TCF20: variants seen among roughly 807,000 people sequenced by gnomAD.
The protein encoded by TCF20 is transcription factor 20.
A neutral mutation model predicts 148.6 loss-of-function variants in TCF20; 3 were observed. The ratio of observed to expected loss-of-function variants is 0.02; its 90% CI spans 0.01 to 0.05. The LOEUF is 0.05. Among genes scored for constraint, TCF20 ranks in the 10% least tolerant of loss-of-function variants. The pLI is 1.00. For synonymous variants in TCF20, 1,049 were observed against 909.5 expected, an observed-to-expected ratio of 1.15 and a Z score of -2.76; for missense variants, 2,350 against 2,429.3, an observed-to-expected ratio of 0.97 and a Z score of 0.69.
chr22:42,294,479 GA>G (rs1418980130), intron 1 of TCF20, among the ~76,000 whole-genome samples: 1 of 152,168 alleles, frequency 6.6e-6, no homozygotes, highest in East Asian at 1.9e-4. Flanking sequence ...CAGAGGCAGG[GA>G]AGTCACTGGC....
chr22:42,289,667 TGAGA>T (rs1326849990), intron 1 of TCF20, among the ~76,000 whole-genome samples: 1 of 152,136 alleles, frequency 6.6e-6, no homozygotes, highest in Non-Finnish European at 1.5e-5. Flanking sequence ...GAGAAAGGCC[TGAGA>T]GAGGCGTCAG....
chr22:42,161,350 C>T lies in TCF20; in HGVS notation c.*53G>A, dbSNP rs201207849. On this transcript the variant is annotated 3_prime_UTR_variant, in exon 6 of 6. Coordinates refer to ENST00000677622, the MANE Select transcript of TCF20 (RefSeq NM_001378418.1). ...AGTGTCCACCACCTTCTCATCTCCA[C>T]AGTCTCACCTGGAAGACAAGGGACA... The T allele has an allele frequency of 6.2e-7, 1 of 1,614,100 alleles. No homozygotes were observed. Among genetic ancestry groups the T allele is most frequent in the African/African-American group, 1.3e-5 (1 of 75,048 alleles).
chr22:42,223,073 T>C (rs1054625707), intron 1 of TCF20, among the ~76,000 whole-genome samples: 9 of 152,148 alleles, frequency 5.9e-5, no homozygotes, highest in African/African-American at 2.2e-4. Flanking sequence ...CACTTGAGCC[T>C]GGGAGGCAGA....
At chr22:42,173,932 A>G (rs1016040702) in intron 3 of TCF20, among the ~76,000 whole-genome samples, 2 of 152,200 alleles carry the variant, frequency 1.3e-5, no homozygotes, top group East Asian at 3.8e-4. Context: ...TGTTAAATAG[A>G]GATGCTACCA....
At chr22:42,246,371 A>C (rs1924906341) in intron 1 of TCF20, among the ~76,000 whole-genome samples, 2 of 152,116 alleles carry the variant, frequency 1.3e-5, no homozygotes, top group Non-Finnish European at 2.9e-5. Context: ...CGGCCTCCCA[A>C]AGTGCTGGGA....
At chr22:42,245,289 G>A (rs1924811538) in intron 1 of TCF20, among the ~76,000 whole-genome samples, 1 of 151,892 alleles carries the variant, frequency 6.6e-6, no homozygotes, top group South Asian at 2.1e-4. Flanking sequence ...TCACTATGCT[G>A]CCCAGGCTGG....
Position 42,325,807 on chromosome 22 carries a change from G to C in TCF20, c.-37+17672C>G, listed in dbSNP as rs115693534. On this transcript the variant is annotated intron_variant, in intron 1 of 1. Coordinates refer to the TCF20 transcript ENST00000515426. ...ATTTCCGAGCCCCAATTCTGCAGCC[G>C]ACTTGCCTGGAGCCAGCGCGCCTCT... Among the ~76,000 whole-genome samples the C allele has an allele frequency of 4.6e-3, 702 of 152,280 alleles. 10 individuals carry two copies. The highest frequency in any genetic ancestry group is 0.016 in the African/African-American group (661 of 41,558).
In TCF20 at chr22:42,211,078, C is replaced by A; in HGVS notation, c.4228G>T (p.Gly1410Cys). 2 of 1,614,156 alleles carry A rather than the reference C, an allele frequency of 1.2e-6. No homozygotes were observed. The highest frequency in any genetic ancestry group is 1.7e-6 in the Non-Finnish European group (2 of 1,180,038). ...CTGACTAGGTCCGAAGCCACCTCACCTTTTCTCTTCTCTATGTCAGCATCC... is the reference window on the plus strand; with the variant it reads ...CTGACTAGGTCCGAAGCCACCTCACATTTTCTCTTCTCTATGTCAGCATCC... ...VQDADIEKRK[G>C]EVASDLVSPA... The change falls in exon 2 of 6, where the codon GGT (glycine) becomes TGT (cysteine). Residue 1410 changes from glycine to cysteine, a missense_variant. This residue lies in a region of TCF20 where 231 missense variants were observed against 213.7 expected (regional missense o/e 1.08). Transcript: ENST00000677622.
At chr22:42,191,654 T>C (rs1342372747) in intron 2 of TCF20, among the ~76,000 whole-genome samples, 1 of 152,254 alleles carries the variant, frequency 6.6e-6, no homozygotes, top group African/African-American at 2.4e-5. Flanking sequence ...GGGTTTCTTT[T>C]ATAGCCCCAA....
chr22:42,306,406 C>T (rs928535067), intron 1 of TCF20, among the ~76,000 whole-genome samples: 12 of 152,190 alleles, frequency 7.9e-5, no homozygotes, highest in Non-Finnish European at 1.5e-4. Flanking sequence ...GTGGGGGGTG[C>T]TGCTAGGGGA....
intron 3 of TCF20, among the ~76,000 whole-genome samples, chr22:42,177,072 TATTG>T (rs1162423821): frequency 6.6e-6 from 1 of 152,146 alleles, no homozygotes; most frequent in Non-Finnish European, 1.5e-5. Flanking sequence ...TTTATATATA[TATTG>T]AAACATTACT....
At chr22:42,247,273 C>G (rs1459476790) in intron 1 of TCF20, among the ~76,000 whole-genome samples, 1 of 151,704 alleles carries the variant, frequency 6.6e-6, no homozygotes, top group African/African-American at 2.4e-5. Flanking sequence ...AATCCCATCT[C>G]TACTAAAAAT....
At chr22:42,175,479 T>C (rs1936395312) in intron 3 of TCF20, among the ~76,000 whole-genome samples, 7 of 152,144 alleles carry the variant, frequency 4.6e-5, no homozygotes, top group Admixed American at 4.6e-4. Context: ...TAGCTGGGAC[T>C]ACAGGCACGC....
chr22:42,209,900 C>A lies in TCF20; in HGVS notation c.5406G>T (p.Leu1802=). The A allele has an allele frequency of 6.2e-7, 1 of 1,614,218 alleles. No homozygotes were observed. The highest frequency in any genetic ancestry group is 8.5e-7 in the Non-Finnish European group (1 of 1,180,044). Residue 1802 remains leucine, a synonymous_variant, in exon 2 of 6, where the codon CTG becomes CTT. Transcript: ENST00000677622. ...SEDCGGGPRS[L]SRGLPCKKAA... ...CTTTTTTACAAGGGAGCCCCCTGGA[C>A]AGGGACCGAGGGCCTCCACCACAGT... is the stretch of plus-strand genomic sequence containing the variant.
intron 5 of TCF20, among the ~76,000 whole-genome samples, chr22:42,164,307 C>T (rs940929433): frequency 4.0e-5 from 6 of 150,314 alleles, no homozygotes; most frequent in East Asian, 2.0e-4. Context: ...CTCCACGTCC[C>T]GGGTTCATGC....
chr22:42,333,097 C>T (rs1928005702), intron 1 of TCF20, among the ~76,000 whole-genome samples: 1 of 152,292 alleles, frequency 6.6e-6, no homozygotes, highest in Admixed American at 6.5e-5. Context: ...CTGCGTCACT[C>T]TGCCTCTCTT....
chr22:42,256,042 C>T (rs957171255), intron 1 of TCF20, among the ~76,000 whole-genome samples: 1 of 152,108 alleles, frequency 6.6e-6, no homozygotes, highest in Admixed American at 6.5e-5. Flanking sequence ...GCTCTTTCTC[C>T]ACTCTTCCAC....
chr22:42,167,120 C>G (rs540537395), intron 5 of TCF20, among the ~76,000 whole-genome samples: 3 of 152,312 alleles, frequency 2.0e-5, no homozygotes, highest in Admixed American at 2.0e-4. Flanking sequence ...TCTGGTTCCT[C>G]TGACCCAGGA....
chr22:42,257,637 A>G (rs749760893), intron 1 of TCF20, among the ~76,000 whole-genome samples: 5 of 152,180 alleles, frequency 3.3e-5, no homozygotes, highest in Non-Finnish European at 5.9e-5. Flanking sequence ...GACTATAAGG[A>G]CCTTAGAGCC....
Sources: gnomAD v4.1 joint callset for allele counts (sites outside exome capture counted in the v4.1 genomes callset) on GRCh38, gnomAD v4.1.1 for gene constraint, gnomAD v4.1.1 regional missense constraint, MANE v1.5 for transcripts, NCBI Gene and HGNC (gene_info 2026-07-23, HGNC 2026-07-21) for gene names.